Variants in ADAM23 observed in about 807,000 individuals in gnomAD.
ADAM23 encodes ADAM metallopeptidase domain 23, also known as disintegrin and metalloproteinase domain-containing protein 23.
In ADAM23, 33 loss-of-function variants were observed where a neutral mutation model predicts 120.1. That is an observed-to-expected ratio of 0.27 (90% CI 0.21 to 0.37). The LOEUF is 0.37. ADAM23 is among the 10% of genes least tolerant of loss of function. The pLI is 1.00. For synonymous variants in ADAM23, 367 were observed against 375.2 expected (o/e 0.98, Z 0.25); for missense variants, 862 against 1,058.2 (o/e 0.81, Z 2.57).
At chr2:206,537,749 G>A (rs1207964536) in intron 4 of ADAM23, among the ~76,000 whole-genome samples, 1 of 152,006 alleles carries the variant, frequency 6.6e-6, no homozygotes, top group African/African-American at 2.4e-5. Context: ...TACTAAAAAT[G>A]ACTCTTTTAC....
At chr2:206,558,894 C>A (rs1192506028) in intron 10 of ADAM23, among the ~76,000 whole-genome samples, 1 of 152,038 alleles carries the variant, frequency 6.6e-6, no homozygotes, top group Non-Finnish European at 1.5e-5. Context: ...TCCCCTTCTT[C>A]AGTGTGTTCA....
chr2:206,471,924 G>A (rs888429132), intron 2 of ADAM23, among the ~76,000 whole-genome samples: 1 of 152,184 alleles, frequency 6.6e-6, no homozygotes, highest in Non-Finnish European at 1.5e-5. Flanking sequence ...AGTGATACTT[G>A]TGCTGCTTTA....
chr2:206,467,552 G>A (rs1200931592), intron 2 of ADAM23, among the ~76,000 whole-genome samples: 1 of 152,224 alleles, frequency 6.6e-6, no homozygotes, highest in Admixed American at 6.5e-5. Context: ...TGCCCCTGTG[G>A]CTTTGCAGAG....
intron 18 of ADAM23, among the ~76,000 whole-genome samples, chr2:206,575,285 T>A (rs1698089452): frequency 6.6e-6 from 1 of 152,166 alleles, no homozygotes; most frequent in African/African-American, 2.4e-5. Context: ...TGGAAAGAAT[T>A]TTAGATTTCA....
At chr2:206,487,555 A>C (rs35341379) in intron 3 of ADAM23, among the ~76,000 whole-genome samples, 6,726 of 152,240 alleles carry the variant, frequency 0.044, 510 homozygotes, top group African/African-American at 0.15. Context: ...CCATTAAAGA[A>C]CATGACACGA....
At chr2:206,572,516 A>G (rs997265919) in intron 17 of ADAM23, among the ~76,000 whole-genome samples, 3 of 152,252 alleles carry the variant, frequency 2.0e-5, no homozygotes, top group Admixed American at 1.3e-4. Flanking sequence ...TTTCTAGCTT[A>G]TTTCTCCTTG....
intron 18 of ADAM23, among the ~76,000 whole-genome samples, chr2:206,579,081 TG>T (rs1698173941): frequency 1.3e-5 from 2 of 152,152 alleles, no homozygotes; most frequent in South Asian, 2.1e-4. Flanking sequence ...TTGATGGGAT[TG>T]TTTTTTTTCT....
chr2:206,477,156 C>T (rs951857278), intron 2 of ADAM23, among the ~76,000 whole-genome samples: 1 of 152,084 alleles, frequency 6.6e-6, no homozygotes, highest in Non-Finnish European at 1.5e-5. Flanking sequence ...CATAACATTG[C>T]TTGATGATAA....
At chr2:206,567,366 C>T (rs745622558) in intron 15 of ADAM23, 44 bp downstream of exon 15, 3 of 1,480,366 alleles carry the variant, frequency 2.0e-6, no homozygotes, top group Non-Finnish European at 2.8e-6. Flanking sequence ...ATTATTTCTC[C>T]AGTGTTTTAC....
intron 18 of ADAM23, among the ~76,000 whole-genome samples, chr2:206,580,560 A>T (rs1317314793): frequency 6.6e-6 from 1 of 152,174 alleles, no homozygotes; most frequent in Non-Finnish European, 1.5e-5. Context: ...CATCCCTGGT[A>T]CGAAACCCAC....
At chr2:206,549,272 A>G (rs1356952676) in intron 8 of ADAM23, among the ~76,000 whole-genome samples, 1 of 151,108 alleles carries the variant, frequency 6.6e-6, no homozygotes, top group Non-Finnish European at 1.5e-5. Context: ...TTTATTATAT[A>G]TTATATAAAT....
At chr2:206,448,523 A>G (rs753938735) in intron 2 of ADAM23, among the ~76,000 whole-genome samples, 2 of 152,104 alleles carry the variant, frequency 1.3e-5, no homozygotes, top group Non-Finnish European at 2.9e-5. Context: ...TGCCAATGAG[A>G]TGATGGGTGG....
chr2:206,445,759 T>A (rs1695071379), intron 2 of ADAM23, among the ~76,000 whole-genome samples: 1 of 152,218 alleles, frequency 6.6e-6, no homozygotes, highest in Non-Finnish European at 1.5e-5. Flanking sequence ...TGAAATGATA[T>A]CCATGTATCT....
intron 2 of ADAM23, among the ~76,000 whole-genome samples, chr2:206,453,928 T>G (rs1244121801): frequency 1.3e-5 from 2 of 152,242 alleles, no homozygotes; most frequent in Non-Finnish European, 2.9e-5. Context: ...ATGTGTATTG[T>G]GAAAGATGTT....
intron 23 of ADAM23, among the ~76,000 whole-genome samples, chr2:206,595,446 C>T (rs1269211306): frequency 1.3e-5 from 2 of 149,140 alleles, no homozygotes; most frequent in African/African-American, 5.0e-5. Context: ...GCTTGGCTGA[C>T]TGAGAAAAGA....
At chr2:206,555,297 A>G (rs1042992419) in intron 9 of ADAM23, among the ~76,000 whole-genome samples, 2 of 152,190 alleles carry the variant, frequency 1.3e-5, no homozygotes, top group African/African-American at 4.8e-5. Flanking sequence ...AAGTGGCACC[A>G]CAATCCCCCA....
At chr2:206,557,078 T>A (rs1697659543) in intron 9 of ADAM23, among the ~76,000 whole-genome samples, 1 of 152,076 alleles carries the variant, frequency 6.6e-6, no homozygotes, top group Non-Finnish European at 1.5e-5. Flanking sequence ...CAGAACATCG[T>A]AGGTTTTTTT....
At chr2:206,542,898 T>C (rs1261102618) in intron 5 of ADAM23, among the ~76,000 whole-genome samples, 1 of 152,198 alleles carries the variant, frequency 6.6e-6, no homozygotes, top group Non-Finnish European at 1.5e-5. Flanking sequence ...GAAATTTGTA[T>C]AGTTGTACAT....
intron 3 of ADAM23, among the ~76,000 whole-genome samples, chr2:206,515,873 C>A (rs1195695156): frequency 6.6e-6 from 1 of 151,852 alleles, no homozygotes; most frequent in Non-Finnish European, 1.5e-5. Flanking sequence ...CTTTCTAATT[C>A]CAGAGGCTTT....
Sources: allele counts gnomAD v4.1 joint callset (sites outside exome capture counted in the v4.1 genomes callset), GRCh38; gene constraint gnomAD v4.1.1; transcripts MANE v1.5; gene names NCBI Gene and HGNC (gene_info 2026-07-23, HGNC 2026-07-21).